Variants in WFDC1 observed in about 807,000 individuals in gnomAD.
The protein encoded by WFDC1 is WAP four-disulfide core domain protein 1.
In WFDC1, 39 loss-of-function variants were observed where a neutral mutation model predicts 32.9. The observed-to-expected ratio is 1.19, with a 90% CI of 0.92 to 1.55. The LOEUF is 1.55. WFDC1 is among the 40% of genes most tolerant of loss of function. The probability of loss-of-function intolerance (pLI) is 0.00; values close to 1 mark genes in which losing one functional copy is unlikely to be tolerated. For missense variants in WFDC1, 386 were observed against 309.5 expected (o/e 1.25, Z -1.85); for synonymous variants, 184 against 137.4 (o/e 1.34, Z -2.37).
At chr16:84,304,701 C>T (rs1306820019) in intron 1 of WFDC1, among the ~76,000 whole-genome samples, 2 of 152,170 alleles carry the variant, frequency 1.3e-5, no homozygotes, top group Admixed American at 6.5e-5. Flanking sequence ...AGGAAGGTGT[C>T]GTCCGTCTGG....
At chr16:84,312,406 C>G (rs541800611) in intron 1 of WFDC1, among the ~76,000 whole-genome samples, 1 of 152,120 alleles carries the variant, frequency 6.6e-6, no homozygotes, top group Non-Finnish European at 1.5e-5. Context: ...TGGAATCCCA[C>G]TGTGGTGTTC....
In WFDC1 at chr16:84,294,927, G is replaced by A; in HGVS notation, c.-45G>A. On this transcript the variant is annotated 5_prime_UTR_variant, in exon 1 of 7. Transcript: ENST00000219454. ...CTCACAGGCCCACGCAGCGAGGGGG[G>A]CCCCTCTTCTGTGTGCGTCTGGAAG... 1.9e-6 allele frequency: 3 copies of A among 1,588,100 alleles called. No individual in the cohort carries two copies. The highest frequency in any genetic ancestry group is 1.2e-5 in the South Asian group (1 of 86,504).
intron 1 of WFDC1, among the ~76,000 whole-genome samples, chr16:84,312,225 C>G (rs545984358): frequency 6.0e-4 from 91 of 152,246 alleles, no homozygotes; most frequent in African/African-American, 2.1e-3. Flanking sequence ...CCTACGTGTT[C>G]AGCTCCATGA....
chr16:84,307,651 A>G (rs1407111324), intron 1 of WFDC1, among the ~76,000 whole-genome samples: 1 of 152,156 alleles, frequency 6.6e-6, no homozygotes, highest in African/African-American at 2.4e-5. Flanking sequence ...GTTCCATTAA[A>G]TTTCATAAAT....
intron 3 of WFDC1, 59 bp downstream of exon 3, chr16:84,318,414 G>A (rs1239425644): frequency 6.4e-7 from 1 of 1,560,886 alleles, no homozygotes. Context: ...CTTCTCAGCT[G>A]CTTCCAGAAA....
At chr16:84,306,136 C>G (rs1907242545) in intron 1 of WFDC1, among the ~76,000 whole-genome samples, 1 of 152,164 alleles carries the variant, frequency 6.6e-6, no homozygotes, top group South Asian at 2.1e-4. Context: ...ATCTTCACCA[C>G]AGACATCGGC....
intron 1 of WFDC1, among the ~76,000 whole-genome samples, chr16:84,296,167 C>T (rs1906586176): frequency 6.6e-6 from 1 of 152,182 alleles, no homozygotes; most frequent in Non-Finnish European, 1.5e-5. Flanking sequence ...GAAGGTAATG[C>T]TGGCACCCAC....
At chr16:84,329,281 C>G (rs1908785704) in intron 6 of WFDC1, 41 bp from the exon 7 acceptor site, 1 of 152,276 alleles carries the variant, frequency 6.6e-6, no homozygotes, top group African/African-American at 2.4e-5. Flanking sequence ...CTGGTCTGCC[C>G]TGCAGCGGTT....
At chr16:84,300,120 C>G (rs1454284315) in intron 1 of WFDC1, among the ~76,000 whole-genome samples, 1 of 152,258 alleles carries the variant, frequency 6.6e-6, no homozygotes, top group African/African-American at 2.4e-5. Context: ...TTTCACCATT[C>G]CATGAGTTCT....
intron 1 of WFDC1, among the ~76,000 whole-genome samples, chr16:84,303,021 C>CTTT (rs35785853): frequency 3.7e-5 from 5 of 135,096 alleles, no homozygotes; most frequent in Admixed American, 7.5e-5. Flanking sequence ...TTCTTTCTTT[C>CTTT]TTTTTTTTTT....
At chr16:84,312,691 T>A (rs922635148) in intron 1 of WFDC1, among the ~76,000 whole-genome samples, 16 of 152,160 alleles carry the variant, frequency 1.1e-4, no homozygotes, top group African/African-American at 3.6e-4. Context: ...GATACTTAAG[T>A]AATTGTCCTT....
chr16:84,315,577 T>C (rs1020404028), intron 2 of WFDC1, among the ~76,000 whole-genome samples: 5 of 152,210 alleles, frequency 3.3e-5, no homozygotes, highest in Non-Finnish European at 7.3e-5. Flanking sequence ...AATCTTGGCA[T>C]ATTGACATTT....
At chr16:84,300,973 T>C (rs1906898352) in intron 1 of WFDC1, among the ~76,000 whole-genome samples, 1 of 117,584 alleles carries the variant, frequency 8.5e-6, no homozygotes, top group African/African-American at 2.9e-5. Flanking sequence ...AGACTTCATC[T>C]CAAAAAAAAA....
At chr16:84,301,367 T>C (rs1166489305) in intron 1 of WFDC1, among the ~76,000 whole-genome samples, 1 of 152,154 alleles carries the variant, frequency 6.6e-6, no homozygotes, top group Admixed American at 6.5e-5. Flanking sequence ...ATTTCACAGA[T>C]AAGGAAACTG....
rs1906490238 is a variant in WFDC1, at chr16:84,294,918, G to A, written c.-54G>A. On this transcript the variant is annotated 5_prime_UTR_variant, in exon 1 of 7. Transcript: ENST00000219454. ...CTGTCCCCACTCACAGGCCCACGCA[G>A]CGAGGGGGGCCCCTCTTCTGTGTGC... 1 of 1,579,024 alleles carries A rather than the reference G, an allele frequency of 6.3e-7. No individual in the cohort carries two copies. The highest frequency in any genetic ancestry group is 1.3e-5 in the African/African-American group (1 of 74,332).
At chr16:84,312,499 T>C (rs1907689777) in intron 1 of WFDC1, among the ~76,000 whole-genome samples, 1 of 152,216 alleles carries the variant, frequency 6.6e-6, no homozygotes, top group African/African-American at 2.4e-5. Context: ...CTGTGTATAA[T>C]TTGTAAATTC....
intron 3 of WFDC1, 168 bp downstream of exon 3, chr16:84,318,523 G>C: frequency 1.6e-6 from 1 of 637,494 alleles, no homozygotes. Context: ...AGGGCTGATG[G>C]CTGGGGGCTT....
rs1906494314 is a variant in WFDC1 at position 84,294,957 on chromosome 16, C to T, written c.-15C>T. Reference sequence around the variant, plus strand: ...TCTTCTGTGTGCGTCTGGAAGGTCGCTGCCCAGGGAGGAAATGCCTTTAAC... The same window carrying T: ...TCTTCTGTGTGCGTCTGGAAGGTCGTTGCCCAGGGAGGAAATGCCTTTAAC... On this transcript the variant is annotated 5_prime_UTR_variant, in exon 1 of 7. Coordinates refer to ENST00000219454, the MANE Select transcript of WFDC1 (RefSeq NM_021197.4). The T allele has an allele frequency of 6.2e-7, 1 of 1,607,698 alleles. No individual in the cohort carries two copies. The highest frequency in any genetic ancestry group is 1.3e-5 in the African/African-American group (1 of 74,840).
chr16:84,324,334 C>G, intron 4 of WFDC1, 85 bp from the exon 5 acceptor site: 1 of 1,277,804 alleles, frequency 7.8e-7, no homozygotes, highest in Non-Finnish European at 1.1e-6. Flanking sequence ...CTGAAAAACA[C>G]AAGTAATTCC....
Sources: allele counts gnomAD v4.1 joint callset (sites outside exome capture counted in the v4.1 genomes callset), GRCh38; gene constraint gnomAD v4.1.1; transcripts MANE v1.5; gene names NCBI Gene and HGNC (gene_info 2026-07-23, HGNC 2026-07-21).